The following RGS17 variants were observed in gnomAD, a reference collection of about 807,000 sequenced individuals.
RGS17 encodes regulator of G protein signaling 17.
RGS17 carries 12 observed loss-of-function variants against 25.5 expected under a neutral mutation model. The ratio of observed to expected loss-of-function variants is 0.47; its 90% CI spans 0.30 to 0.76. The LOEUF (loss-of-function observed/expected upper bound fraction) is 0.76, where lower values mean the gene tolerates loss of function less well. RGS17 is among the 30% of genes least tolerant of loss of function. RGS17 has a pLI of 0.07. For synonymous variants in RGS17, 71 were observed against 76.9 expected (o/e 0.92, Z 0.40); for missense variants, 196 against 242.2 (o/e 0.81, Z 1.27).
intron 1 of RGS17, among the ~76,000 whole-genome samples, chr6:153,070,061 G>C (rs1776765982): frequency 6.6e-6 from 1 of 151,996 alleles, no homozygotes; most frequent in African/African-American, 2.4e-5. Flanking sequence ...AAACATTTTT[G>C]CTCATTCCAG....
Position 153,043,864 on chromosome 6 carries a change from G to A in RGS17, c.119+36C>T, listed in dbSNP as rs199945098. 2.2e-5 allele frequency: 30 copies of A among 1,336,952 alleles called. No homozygotes were observed. The East Asian group carries it at 6.9e-4, about 31-fold the overall frequency. 82.8% of individuals were successfully genotyped at this position (1,336,952 alleles called of 1,614,324 possible). ...GCATGTTCACACTAGTGCCTGCCAA[G>A]CCTGGGTGTGGCATCCTACAGGTAA... On this transcript the variant is annotated intron_variant, in intron 2 of 4. Transcript: ENST00000206262.
intron 1 of RGS17, among the ~76,000 whole-genome samples, chr6:153,066,047 A>C (rs1309810146): frequency 6.6e-6 from 1 of 152,154 alleles, no homozygotes; most frequent in Non-Finnish European, 1.5e-5. Context: ...TAGACTAAGA[A>C]AAAAAGAGAG....
chr6:153,093,169 T>C (rs1184980744), intron 1 of RGS17, among the ~76,000 whole-genome samples: 1 of 152,236 alleles, frequency 6.6e-6, no homozygotes, highest in Non-Finnish European at 1.5e-5. Flanking sequence ...TGAATAGTCA[T>C]TAATACAATA....
intron 2 of RGS17, among the ~76,000 whole-genome samples, chr6:153,028,925 C>T (rs183359075): frequency 2.7e-3 from 410 of 152,210 alleles, no homozygotes; most frequent in Non-Finnish European, 4.6e-3. Context: ...TTTTTTTCTC[C>T]GTTGTGCCTT....
chr6:153,079,588 T>A (rs542642900), intron 1 of RGS17, among the ~76,000 whole-genome samples: 32 of 152,352 alleles, frequency 2.1e-4, no homozygotes, highest in African/African-American at 7.7e-4. Flanking sequence ...TTTATTTCAC[T>A]AATACAAGAA....
intron 1 of RGS17, among the ~76,000 whole-genome samples, chr6:153,114,361 C>A (rs904111454): frequency 2.0e-5 from 3 of 152,086 alleles, no homozygotes; most frequent in African/African-American, 7.2e-5. Flanking sequence ...GACACATAAA[C>A]CCTCCCAAGA....
At chr6:153,118,733 T>A (rs572177740) in intron 1 of RGS17, among the ~76,000 whole-genome samples, 1 of 100,076 alleles carries the variant, frequency 1.0e-5, no homozygotes, top group East Asian at 5.4e-4. Flanking sequence ...AAATCATTAA[T>A]CACCAAGTGC....
At chr6:153,129,878 T>C (rs1777760516) in intron 1 of RGS17, among the ~76,000 whole-genome samples, 1 of 152,144 alleles carries the variant, frequency 6.6e-6, no homozygotes, top group Non-Finnish European at 1.5e-5. Flanking sequence ...CGACAGGGGT[T>C]CTCCCACGTG....
chr6:153,012,599 G>A (rs1012696989), intron 4 of RGS17, among the ~76,000 whole-genome samples: 6 of 152,140 alleles, frequency 3.9e-5, no homozygotes, highest in African/African-American at 1.4e-4. Flanking sequence ...TAAGGGCATG[G>A]TTGGAGGAAC....
At chr6:153,119,006 ATG>A (rs1562339152) in intron 1 of RGS17, among the ~76,000 whole-genome samples, 1 of 152,166 alleles carries the variant, frequency 6.6e-6, no homozygotes, top group African/African-American at 2.4e-5. Flanking sequence ...GAATATATGC[ATG>A]TATACATGTA....
chr6:153,129,880 T>C lies in RGS17; in HGVS notation c.-26+1244A>G, dbSNP rs538247917. Among the ~76,000 whole-genome samples the C allele has an allele frequency of 1.2e-4, 19 of 152,296 alleles. No individual in the cohort carries two copies. The South Asian group carries it at 3.9e-3, about 32-fold the overall frequency. ...AATCGTCCCCGGGCGACAGGGGTTC[T>C]CCCACGTGAACCGACGTCCCGGGCT... is the stretch of plus-strand genomic sequence containing the variant. On this transcript the variant is annotated intron_variant, in intron 1 of 4. Transcript: ENST00000206262.
chr6:153,092,220 T>G (rs1777143669), intron 1 of RGS17, among the ~76,000 whole-genome samples: 2 of 152,236 alleles, frequency 1.3e-5, no homozygotes, highest in Non-Finnish European at 2.9e-5. Flanking sequence ...TTACGGGGCA[T>G]AGAACCGTTC....
chr6:153,097,323 G>C (rs1409746517), intron 1 of RGS17, among the ~76,000 whole-genome samples: 2 of 113,058 alleles, frequency 1.8e-5, no homozygotes, highest in African/African-American at 3.5e-5. Flanking sequence ...TTTTTTGGGA[G>C]ACAGAATCTG....
chr6:153,054,002 ATATATACGTATATATG>A (rs1776507581), intron 1 of RGS17, among the ~76,000 whole-genome samples: 2 of 53,002 alleles, frequency 3.8e-5, no homozygotes, highest in Non-Finnish European at 7.5e-5. Context: ...ATATATATAC[ATATATACGTATATATG>A]TATATAATAT....
Position 153,044,693 on chromosome 6 carries a change from C to T in RGS17, c.-25-650G>A, listed in dbSNP as rs566648594. Among the ~76,000 whole-genome samples the T allele has an allele frequency of 3.3e-5, 5 of 152,184 alleles. No homozygotes were observed. The East Asian group carries it at 5.8e-4, about 18-fold the overall frequency. On this transcript the variant is annotated intron_variant, in intron 1 of 4. Transcript: ENST00000206262. ...ATCCCCCAAATTTATCTTTATTTAA[C>T]GGAGAGTTGGGGGAAAATAAAAGTC...
chr6:153,104,543 A>T (rs1777351505), intron 1 of RGS17, among the ~76,000 whole-genome samples: 1 of 152,270 alleles, frequency 6.6e-6, no homozygotes, highest in Non-Finnish European at 1.5e-5. Flanking sequence ...TTGGATACAT[A>T]GGAAAAGCTG....
chr6:153,113,137 G>C (rs555472781), intron 1 of RGS17, among the ~76,000 whole-genome samples: 38 of 152,242 alleles, frequency 2.5e-4, no homozygotes, highest in African/African-American at 8.4e-4. Flanking sequence ...TGGTAAATTG[G>C]ATGAAGAATC....
chr6:153,055,455 G>A (rs1305459214), intron 1 of RGS17, among the ~76,000 whole-genome samples: 1 of 152,180 alleles, frequency 6.6e-6, no homozygotes, highest in Admixed American at 6.5e-5. Flanking sequence ...TATAGAGGAA[G>A]AGTGTCAAAA....
chr6:153,063,241 C>G (rs981537754), intron 1 of RGS17, among the ~76,000 whole-genome samples: 1 of 152,050 alleles, frequency 6.6e-6, no homozygotes, highest in Non-Finnish European at 1.5e-5. Context: ...AAATAAGCCA[C>G]CAAGGATTAA....
Sources: allele counts gnomAD v4.1 joint callset (sites outside exome capture counted in the v4.1 genomes callset), GRCh38; gene constraint gnomAD v4.1.1; transcripts MANE v1.5; gene names NCBI Gene and HGNC (gene_info 2026-07-23, HGNC 2026-07-21).